The following NOX4 variants were observed in gnomAD, a reference collection of about 807,000 sequenced individuals.
NOX4 encodes kidney oxidase-1.
NOX4 carries 69 observed loss-of-function variants against 87.6 expected under a neutral mutation model. The ratio of observed to expected loss-of-function variants is 0.79; its 90% CI spans 0.65 to 0.96. NOX4 has a LOEUF of 0.96. Ranked by LOEUF, NOX4 falls within the 40% of genes least tolerant of loss-of-function variation. The probability of loss-of-function intolerance (pLI) is 0.00; values close to 1 mark genes in which losing one functional copy is unlikely to be tolerated. For synonymous variants in NOX4, 275 were observed against 238.2 expected, an observed-to-expected ratio of 1.15 and a Z score of -1.42; for missense variants, 680 against 681.5, an observed-to-expected ratio of 1.00 and a Z score of 0.02.
intron 12 of NOX4, among the ~76,000 whole-genome samples, chr11:89,355,946 C>T (rs1000495449): frequency 5.3e-5 from 8 of 151,918 alleles, no homozygotes; most frequent in African/African-American, 1.9e-4. Flanking sequence ...TGCTTATTCG[C>T]AAACAAAATG....
At chr11:89,425,495 G>C (rs181465726) in intron 7 of NOX4, among the ~76,000 whole-genome samples, 3 of 151,092 alleles carry the variant, frequency 2.0e-5, no homozygotes, top group African/African-American at 7.3e-5. Flanking sequence ...CCTATATTGC[G>C]ATGTGCTGTG....
chr11:89,419,016 A>G (rs948231582), intron 8 of NOX4, among the ~76,000 whole-genome samples: 2 of 152,094 alleles, frequency 1.3e-5, no homozygotes, highest in African/African-American at 4.8e-5. Context: ...AATTGCTAGC[A>G]TTCATGTAAA....
At chr11:89,403,667 G>A (rs770724620) in intron 8 of NOX4, among the ~76,000 whole-genome samples, 5 of 152,142 alleles carry the variant, frequency 3.3e-5, no homozygotes, top group East Asian at 3.9e-4. Flanking sequence ...GCTTGAACCC[G>A]GGAGGCGGAG....
chr11:89,414,713 C>T (rs979049071), intron 8 of NOX4, among the ~76,000 whole-genome samples: 3 of 151,450 alleles, frequency 2.0e-5, no homozygotes, highest in African/African-American at 7.3e-5. Context: ...TTTTAGGAAA[C>T]ATTTATCAGG....
the NOX4 span, among the ~76,000 whole-genome samples, chr11:89,562,611 G>A: frequency 1.3e-5 from 2 of 152,086 alleles, no homozygotes; most frequent in African/African-American, 2.4e-5. Flanking sequence ...ATCCTCATAA[G>A]GCTCAAGAGT....
chr11:89,324,887 A>C lies in NOX4; in HGVS notation c.*1869T>G, dbSNP rs1461012023. Reference sequence around the variant, plus strand: ...TCCATAGAAAGGAGAATTTCAAGGAAAGGAAGAAATATCTACAAGTAAATA... The same window carrying C: ...TCCATAGAAAGGAGAATTTCAAGGACAGGAAGAAATATCTACAAGTAAATA... On this transcript the variant is annotated 3_prime_UTR_variant, in exon 18 of 18. Coordinates refer to ENST00000263317, the MANE Select transcript of NOX4 (RefSeq NM_016931.5). 9.9e-5 allele frequency: 15 copies of C among 152,142 alleles called. No homozygotes were observed. Among genetic ancestry groups the C allele is most frequent in the Admixed American group, 7.2e-4 (11 of 15,264 alleles). The allele number at this position is 152,142 out of a possible 1,614,324, so 9.4% of individuals were successfully genotyped here.
chr11:89,432,656 C>G lies in NOX4; in HGVS notation c.548+128G>C, dbSNP rs1326754113. 1.1e-5 allele frequency: 7 copies of G among 626,844 alleles called. No homozygotes were observed. The African/African-American group carries it at 1.3e-4, about 11-fold the overall frequency. The allele number at this position is 626,844 out of a possible 1,614,324, so 38.8% of individuals were successfully genotyped here. On this transcript the variant is annotated intron_variant, in intron 7 of 17. Coordinates refer to ENST00000263317, the MANE Select transcript of NOX4 (RefSeq NM_016931.5). ...GAAGTCATGTATAGAAACAGCTATA[C>G]TTCACTCTTACTTACCCAGAATAGT...
chr11:89,408,072 AAAC>A (rs1294159615), intron 8 of NOX4, among the ~76,000 whole-genome samples: 1 of 152,114 alleles, frequency 6.6e-6, no homozygotes, highest in African/African-American at 2.4e-5. Flanking sequence ...AGTTTAATTC[AAAC>A]AATAAAACCA....
At chr11:89,434,775 T>TA (rs143649604) in intron 6 of NOX4, among the ~76,000 whole-genome samples, 34 of 146,730 alleles carry the variant, frequency 2.3e-4, no homozygotes, top group East Asian at 8.0e-4. Context: ...TAATCAGCAA[T>TA]AAAAAAAAAA....
intron 2 of NOX4, among the ~76,000 whole-genome samples, chr11:89,465,238 G>A (rs1245463651): frequency 6.6e-6 from 1 of 151,960 alleles, no homozygotes; most frequent in Non-Finnish European, 1.5e-5. Flanking sequence ...TGCAGTGTTT[G>A]GTTTTCTGCT....
the NOX4 span, among the ~76,000 whole-genome samples, chr11:89,560,996 C>CTCTATATATATATATA: frequency 1.2e-4 from 5 of 40,804 alleles, no homozygotes; most frequent in African/African-American, 6.6e-4. Flanking sequence ...CTCTCTCTCT[C>CTCTATATATATATATA]TATATATATA....
At chr11:89,367,072 A>T (rs771241113) in intron 12 of NOX4, among the ~76,000 whole-genome samples, 7 of 152,132 alleles carry the variant, frequency 4.6e-5, no homozygotes, top group Non-Finnish European at 1.0e-4. Context: ...TCATTGAATG[A>T]TTTATTATAT....
the NOX4 span, among the ~76,000 whole-genome samples, chr11:89,535,644 C>T: frequency 3.3e-5 from 5 of 152,108 alleles, no homozygotes; most frequent in East Asian, 9.7e-4. Flanking sequence ...CTGTGTCTCT[C>T]ATCTTCCAGA....
chr11:89,458,883 GA>G (rs1945326956), intron 2 of NOX4, among the ~76,000 whole-genome samples: 1 of 152,120 alleles, frequency 6.6e-6, no homozygotes, highest in Non-Finnish European at 1.5e-5. Context: ...AGCCCCTGTG[GA>G]AAATAGTTTT....
intron 4 of NOX4, among the ~76,000 whole-genome samples, chr11:89,449,043 A>G (rs530928490): frequency 6.6e-6 from 1 of 152,220 alleles, no homozygotes; most frequent in South Asian, 2.1e-4. Context: ...CAACTTTTGG[A>G]TATCATAATG....
At chr11:89,354,151 T>C (rs1223146870) in intron 13 of NOX4, among the ~76,000 whole-genome samples, 2 of 152,186 alleles carry the variant, frequency 1.3e-5, no homozygotes, top group African/African-American at 2.4e-5. Flanking sequence ...AGATGAAATA[T>C]GTATAAACCA....
chr11:89,481,688 A>T (rs1946396743), intron 2 of NOX4, among the ~76,000 whole-genome samples: 1 of 152,138 alleles, frequency 6.6e-6, no homozygotes, highest in African/African-American at 2.4e-5. Context: ...ATAGACATGA[A>T]GAAACACTGA....
intron 3 of NOX4, among the ~76,000 whole-genome samples, chr11:89,451,032 G>T (rs1370942961): frequency 2.1e-5 from 3 of 141,914 alleles, no homozygotes; most frequent in Non-Finnish European, 4.5e-5. Flanking sequence ...TTGGACACAG[G>T]ATGGGGAACA....
At chr11:89,490,996 C>T in intron 1 of NOX4, 194 bp downstream of exon 1, 1 of 721,352 alleles carries the variant, frequency 1.4e-6, no homozygotes, top group Non-Finnish European at 2.5e-6. Flanking sequence ...AATTCTCATG[C>T]ATTTGGGGGA....
Sources: gnomAD v4.1 joint callset for allele counts (sites outside exome capture counted in the v4.1 genomes callset) on GRCh38, gnomAD v4.1.1 for gene constraint, MANE v1.5 for transcripts, NCBI Gene and HGNC (gene_info 2026-07-23, HGNC 2026-07-21) for gene names.